PPP2R5C: variants seen among roughly 807,000 people sequenced by gnomAD.
The protein encoded by PPP2R5C is protein phosphatase 2 regulatory subunit B'gamma.
Under a neutral mutation model 68.9 loss-of-function variants are expected in PPP2R5C, and 7 were observed. That is an observed-to-expected ratio of 0.10 (90% confidence interval 0.06 to 0.19). PPP2R5C has a LOEUF of 0.19. Among genes scored for constraint, PPP2R5C ranks in the 10% least tolerant of loss-of-function variants. PPP2R5C has a pLI of 1.00. For synonymous variants in PPP2R5C, 210 were observed against 222.2 expected, an observed-to-expected ratio of 0.95 and a Z score of 0.49; for missense variants, 348 against 641.3, an observed-to-expected ratio of 0.54 and a Z score of 4.94.
At chr14:101,927,937 C>A (rs965701495) in exon 14 of PPP2R5C, 6 of 152,162 alleles carry the variant, frequency 3.9e-5, no homozygotes, top group African/African-American at 1.2e-4. Flanking sequence ...CTCTAAAAAA[C>A]GGTGTATCAT....
At position 101,913,494 on chromosome 14, in the gene PPP2R5C, T is replaced by C. The variant is rs2046498995; in HGVS notation, c.1326+1021T>C. 6.6e-6 allele frequency among the ~76,000 whole-genome samples: 1 copy of C among 152,256 alleles called. No homozygotes were observed. The highest frequency in any genetic ancestry group is 2.4e-5 in the African/African-American group (1 of 41,460). On this transcript the variant is annotated intron_variant, in intron 12 of 13. Transcript: ENST00000334743. The surrounding 1 kb of genome is among the most constrained non-coding windows in gnomAD (Gnocchi z 4.1). ...GAAAACGGAATGACATTTCTAATTG[T>C]GAGCCCTTGAGTCCACCTAAAACAG...
intron 2 of PPP2R5C, among the ~76,000 whole-genome samples, chr14:101,778,692 A>G (rs543354593): frequency 9.9e-5 from 15 of 152,186 alleles, no homozygotes; most frequent in Admixed American, 3.9e-4. Context: ...TTGGCTCTCA[A>G]TTTTATTCCA....
At chr14:101,794,535 A>T (rs924997533) in intron 3 of PPP2R5C, among the ~76,000 whole-genome samples, 1 of 152,098 alleles carries the variant, frequency 6.6e-6, no homozygotes, top group African/African-American at 2.4e-5. Context: ...ATGCCTGGCT[A>T]CTGTTGGCAT....
chr14:101,786,512 A>C (rs1011150171), intron 3 of PPP2R5C, among the ~76,000 whole-genome samples: 2 of 152,234 alleles, frequency 1.3e-5, no homozygotes, highest in African/African-American at 2.4e-5. Context: ...TGTTTGTCTT[A>C]GAACTGTAGC....
intron 1 of PPP2R5C, chr14:101,819,059 T>C (rs1232937873): frequency 6.4e-7 from 1 of 1,551,310 alleles, no homozygotes; most frequent in East Asian, 2.4e-5. Flanking sequence ...TTGCTGGTTC[T>C]TATTTTTGGT....
intron 1 of PPP2R5C, chr14:101,824,143 G>A: frequency 1.6e-6 from 2 of 1,284,314 alleles, no homozygotes; most frequent in South Asian, 2.5e-5. Context: ...CTGCATTTTA[G>A]ACATAGCTGG....
intron 2 of PPP2R5C, among the ~76,000 whole-genome samples, chr14:101,876,631 C>T (rs2043798338): frequency 1.3e-5 from 2 of 152,180 alleles, no homozygotes; most frequent in Non-Finnish European, 2.9e-5. Context: ...ATTTGGAGAA[C>T]ATCTGCAGGA....
At chr14:101,874,894 C>T (rs2043660067) in intron 2 of PPP2R5C, among the ~76,000 whole-genome samples, 1 of 152,146 alleles carries the variant, frequency 6.6e-6, no homozygotes, top group Non-Finnish European at 1.5e-5. Context: ...CCTGTGCCAC[C>T]ATACTTGGCT....
At chr14:101,760,663 C>A, upstream of PPP2R5C, 1 of 940,674 alleles carries the variant, frequency 1.1e-6, no homozygotes, top group Non-Finnish European at 1.2e-6. Flanking sequence ...GCGGGACCAA[C>A]CAGGGAGGGG....
intron 2 of PPP2R5C, among the ~76,000 whole-genome samples, chr14:101,880,148 G>A (rs2044067671): frequency 6.6e-6 from 1 of 152,302 alleles, no homozygotes; most frequent in South Asian, 2.1e-4. Context: ...ACAGTCCCTG[G>A]AGAGTAGACA....
In PPP2R5C at chr14:101,765,978, T is replaced by C. The variant is rs1387733341; in HGVS notation, c.93+3008T>C. 3 of 152,310 alleles carry C rather than the reference T, an allele frequency of 2.0e-5. No homozygotes were observed. The East Asian group carries it at 5.8e-4, about 29-fold the overall frequency. The allele number at this position is 152,310 out of a possible 1,614,324, so 9.4% of individuals were successfully genotyped here. A position where few individuals can be genotyped will look rare whatever the true frequency, so the allele number is the denominator to read the frequency against. The stretch of plus-strand genomic sequence containing the variant: ...CCTTCTGATGGGACAGTTACCCTAG[T>C]TGGGGCTTCTCAGCCTTGAGAGATG... On this transcript the variant is annotated intron_variant, in intron 2 of 14. Coordinates refer to the PPP2R5C transcript ENST00000328724.
At chr14:101,850,918 G>A (rs1333296907) in intron 1 of PPP2R5C, among the ~76,000 whole-genome samples, 2 of 152,184 alleles carry the variant, frequency 1.3e-5, no homozygotes, top group African/African-American at 4.8e-5. Flanking sequence ...TATTAATGAT[G>A]AATCCCAAAT....
intron 1 of PPP2R5C, among the ~76,000 whole-genome samples, chr14:101,822,116 T>C (rs1254254017): frequency 7.5e-6 from 1 of 133,540 alleles, no homozygotes; most frequent in African/African-American, 2.9e-5. Flanking sequence ...TGCTAAATTA[T>C]TACATCAAAT....
At chr14:101,775,853 G>C (rs117941685) in intron 2 of PPP2R5C, among the ~76,000 whole-genome samples, 1 of 151,434 alleles carries the variant, frequency 6.6e-6, no homozygotes, top group South Asian at 2.1e-4. Context: ...CCTTCCCCCA[G>C]CCAGAGACTC....
chr14:101,912,295 C>A, intron 11 of PPP2R5C, 106 bp from the exon 14 acceptor site: 1 of 881,184 alleles, frequency 1.1e-6, no homozygotes, highest in Non-Finnish European at 1.7e-6. Flanking sequence ...AGGGGGGCTG[C>A]GGGAGGAGCC....
intron 1 of PPP2R5C, among the ~76,000 whole-genome samples, chr14:101,822,089 C>A (rs2040118652): frequency 8.0e-6 from 1 of 124,932 alleles, no homozygotes; most frequent in African/African-American, 3.2e-5. Context: ...GCCCCCCCCC[C>A]ACACACACAC....
chr14:101,834,783 G>A (rs1245453429), intron 1 of PPP2R5C, among the ~76,000 whole-genome samples: 1 of 151,696 alleles, frequency 6.6e-6, no homozygotes, highest in Non-Finnish European at 1.5e-5. Flanking sequence ...AACTCTAATT[G>A]ACTACCTCTA....
chr14:101,801,833 A>C (rs1303374507), intron 3 of PPP2R5C, among the ~76,000 whole-genome samples: 1 of 152,232 alleles, frequency 6.6e-6, no homozygotes, highest in East Asian at 1.9e-4. Context: ...GAAATAGAAA[A>C]GTTTCATCCT....
chr14:101,878,135 C>T (rs2043907017), intron 2 of PPP2R5C, among the ~76,000 whole-genome samples: 1 of 152,232 alleles, frequency 6.6e-6, no homozygotes. Context: ...CGAGTGTGAG[C>T]CTTCTACCAT....
Sources: allele counts gnomAD v4.1 joint callset (sites outside exome capture counted in the v4.1 genomes callset), GRCh38; gene constraint gnomAD v4.1.1; non-coding constraint Gnocchi (gnomAD v3.1); transcripts MANE v1.5; gene names NCBI Gene and HGNC (gene_info 2026-07-23, HGNC 2026-07-21).